Variants in ARHGAP32 observed in about 807,000 individuals in gnomAD.
ARHGAP32 encodes the protein Rho GTPase activating protein 32, also known as rho GTPase-activating protein 32.
ARHGAP32 carries 51 observed loss-of-function variants against 186.5 expected under a neutral mutation model. That is an observed-to-expected ratio of 0.27 (90% CI 0.22 to 0.35). ARHGAP32 has a LOEUF of 0.35. Ranked by LOEUF, ARHGAP32 falls within the 10% of genes least tolerant of loss-of-function variation. The pLI is 1.00. For synonymous variants in ARHGAP32, 950 were observed against 964.3 expected, an observed-to-expected ratio of 0.99 and a Z score of 0.27; for missense variants, 2,186 against 2,623.5, an observed-to-expected ratio of 0.83 and a Z score of 3.64.
chr11:128,974,551 C>T lies in ARHGAP32; in HGVS notation c.2646G>A (p.Leu882=). 1.2e-6 allele frequency: 2 copies of T among 1,614,066 alleles called. No homozygotes were observed. Among genetic ancestry groups the T allele is most frequent in the South Asian group, 2.2e-5 (2 of 91,068 alleles). ...ATTTATCTTCAGTTGGGCTCAAGTCCAGGGTAAAGAATGGACTCAGTTTCT... is the reference window on the plus strand; with the variant it reads ...ATTTATCTTCAGTTGGGCTCAAGTCTAGGGTAAAGAATGGACTCAGTTTCT... ...LQEKLSPFFT[L]DLSPTEDKSS... is the part of the protein sequence containing the mutation. Residue 882 remains leucine, a synonymous_variant, in exon 21 of 23, where the codon CTG becomes CTA. Coordinates refer to ENST00000682385, the MANE Select transcript of ARHGAP32 (RefSeq NM_001378024.1).
chr11:129,082,298 G>C (rs1467518863), intron 6 of ARHGAP32, among the ~76,000 whole-genome samples: 2 of 151,898 alleles, frequency 1.3e-5, no homozygotes, highest in Non-Finnish European at 2.9e-5. Context: ...CATAACCAAA[G>C]CAAGACTAAG....
chr11:129,070,650 T>C (rs1940838709), intron 6 of ARHGAP32, among the ~76,000 whole-genome samples: 1 of 152,034 alleles, frequency 6.6e-6, no homozygotes, highest in African/African-American at 2.4e-5. Flanking sequence ...GGGTTAAGGG[T>C]AAATAGGATA....
chr11:129,113,602 G>A (rs1001296357), intron 5 of ARHGAP32, among the ~76,000 whole-genome samples: 4 of 151,746 alleles, frequency 2.6e-5, no homozygotes, highest in Admixed American at 6.6e-5. Flanking sequence ...TCATCTGCAA[G>A]TTTTTTCAAA....
chr11:129,170,210 C>CAA lies in ARHGAP32; in HGVS notation c.117-5785_117-5784dup, dbSNP rs145498329. 6.8e-3 allele frequency among the ~76,000 whole-genome samples: 827 copies of CAA among 121,792 alleles called. 6 individuals carry two copies. The highest frequency in any genetic ancestry group is 0.022 in the African/African-American group (760 of 33,936). 79.9% of individuals were successfully genotyped at this position (121,792 alleles called of 152,430 possible). A position where few individuals can be genotyped will look rare whatever the true frequency, so the allele number is the denominator to read the frequency against. On this transcript the variant is annotated intron_variant, in intron 1 of 22. Coordinates refer to ENST00000682385, the MANE Select transcript of ARHGAP32 (RefSeq NM_001378024.1). ...ATAATTTCTTTCTTTTTAATTTCTT[C>CAA]AAAAAAAAAAAAAAACGGGATACAT...
intron 1 of ARHGAP32, among the ~76,000 whole-genome samples, chr11:129,178,671 TGAG>T (rs1481398057): frequency 6.6e-6 from 1 of 152,144 alleles, no homozygotes; most frequent in East Asian, 1.9e-4. Context: ...TTGACAAACC[TGAG>T]AAGAACAAGC....
chr11:129,217,296 G>A (rs1312217810), intron 1 of ARHGAP32, among the ~76,000 whole-genome samples: 1 of 152,032 alleles, frequency 6.6e-6, no homozygotes. Flanking sequence ...CCAGAAACCT[G>A]TGGTCTATGC....
intron 1 of ARHGAP32, among the ~76,000 whole-genome samples, chr11:129,174,528 A>G (rs1411689618): frequency 6.6e-6 from 1 of 152,306 alleles, no homozygotes; most frequent in East Asian, 1.9e-4. Flanking sequence ...ACCTCTGCAG[A>G]CTTAAATGTC....
chr11:129,227,908 T>C (rs1436848700), intron 1 of ARHGAP32, among the ~76,000 whole-genome samples: 1 of 152,134 alleles, frequency 6.6e-6, no homozygotes, highest in Admixed American at 6.6e-5. Context: ...ACAGGGTATT[T>C]TACCCAACAA....
chr11:128,969,292 T>A lies in ARHGAP32; in HGVS notation c.5921A>T (p.Glu1974Val). 2 of 1,614,224 alleles carry A rather than the reference T, an allele frequency of 1.2e-6. No individual in the cohort carries two copies. Among genetic ancestry groups the A allele is most frequent in the South Asian group, 2.2e-5 (2 of 91,084 alleles). ...RPWVRQPSAPEKHSRDCYKEE... is the reference protein window; with the variant it reads ...RPWVRQPSAPVKHSRDCYKEE... Reference sequence around the variant, plus strand: ...CTTGTAGCAGTCTCTGGAGTGTTTCTCTGGGGCAGAAGGCTGCCTAACCCA... The same window carrying A: ...CTTGTAGCAGTCTCTGGAGTGTTTCACTGGGGCAGAAGGCTGCCTAACCCA... The change falls in exon 23 of 23, where the codon GAG (glutamate) becomes GTG (valine). Residue 1974 changes from glutamate to valine, a missense_variant. Glu to Val is a moderately radical substitution (Grantham distance 121). Around this residue, in one of 5 missense-constraint regions of ARHGAP32, gnomAD observed 1,502 missense variants for 1,570.0 expected, o/e 0.96. Coordinates refer to ENST00000682385, the MANE Select transcript of ARHGAP32 (RefSeq NM_001378024.1). This position sits in a 1 kb window ranked among gnomAD's most constrained non-coding sequence, Gnocchi z 4.8.
At chr11:129,187,300 G>A (rs1944182336) in intron 1 of ARHGAP32, among the ~76,000 whole-genome samples, 1 of 152,032 alleles carries the variant, frequency 6.6e-6, no homozygotes, top group Non-Finnish European at 1.5e-5. Flanking sequence ...ACTTATTTGT[G>A]TGATCTAAAA....
At chr11:129,169,953 G>C (rs1943723665) in intron 1 of ARHGAP32, among the ~76,000 whole-genome samples, 1 of 152,142 alleles carries the variant, frequency 6.6e-6, no homozygotes, top group Admixed American at 6.5e-5. Context: ...CCAGAGTTTA[G>C]AGCAAAAGCT....
intron 12 of ARHGAP32, among the ~76,000 whole-genome samples, chr11:128,995,782 T>G (rs1047392538): frequency 3.9e-5 from 6 of 152,238 alleles, no homozygotes; most frequent in Non-Finnish European, 7.3e-5. Flanking sequence ...GAGGTTGCAG[T>G]GAGCTGCGAT....
chr11:129,012,955 A>T (rs1938154491), intron 11 of ARHGAP32, among the ~76,000 whole-genome samples: 2 of 152,164 alleles, frequency 1.3e-5, no homozygotes, highest in South Asian at 4.1e-4. Context: ...AACAAACTCT[A>T]CTACACAATA....
chr11:128,983,905 T>G (rs1300276455), intron 15 of ARHGAP32, among the ~76,000 whole-genome samples: 5 of 152,210 alleles, frequency 3.3e-5, no homozygotes, highest in Non-Finnish European at 7.3e-5. Flanking sequence ...ATTCAGCAGA[T>G]GAGAGTGTGA....
At chr11:129,276,016 C>G (rs1462691548) in intron 1 of ARHGAP32, among the ~76,000 whole-genome samples, 1 of 152,218 alleles carries the variant, frequency 6.6e-6, no homozygotes, top group Non-Finnish European at 1.5e-5. Flanking sequence ...TTGGCACAGG[C>G]CAGTAGTCCC....
intron 1 of ARHGAP32, among the ~76,000 whole-genome samples, chr11:129,211,131 T>C (rs1429535023): frequency 6.6e-6 from 1 of 152,222 alleles, no homozygotes; most frequent in Admixed American, 6.6e-5. Flanking sequence ...GATAAAATCC[T>C]ATATTTACTG....
intron 11 of ARHGAP32, among the ~76,000 whole-genome samples, chr11:128,998,752 T>G (rs929426743): frequency 1.3e-5 from 2 of 152,226 alleles, no homozygotes; most frequent in Admixed American, 6.5e-5. Context: ...TCATGGGCAT[T>G]TATTAGTTCC....
At chr11:128,990,730 A>G (rs1183055286) in intron 12 of ARHGAP32, among the ~76,000 whole-genome samples, 1 of 152,214 alleles carries the variant, frequency 6.6e-6, no homozygotes, top group African/African-American at 2.4e-5. Context: ...TGTCCCACCA[A>G]TGATAAACTT....
intron 1 of ARHGAP32, among the ~76,000 whole-genome samples, chr11:129,223,831 T>C (rs887718320): frequency 1.3e-5 from 2 of 152,204 alleles, no homozygotes; most frequent in African/African-American, 2.4e-5. Context: ...ATGTCTATGA[T>C]ACTCACCAGA....
Sources: gnomAD v4.1 joint callset for allele counts (sites outside exome capture counted in the v4.1 genomes callset) on GRCh38, gnomAD v4.1.1 for gene constraint, gnomAD v4.1.1 regional missense constraint, Gnocchi (gnomAD v3.1) non-coding constraint, MANE v1.5 for transcripts, NCBI Gene and HGNC (gene_info 2026-07-23, HGNC 2026-07-21) for gene names.